Variants in GRB10 observed in about 807,000 individuals in gnomAD.
GRB10 encodes growth factor receptor bound protein 10, also known as growth factor receptor-bound protein 10.
Under a neutral mutation model 80.9 loss-of-function variants are expected in GRB10, and 20 were observed. The ratio of observed to expected loss-of-function variants is 0.25; its 90% CI spans 0.17 to 0.36. The LOEUF is 0.36. Among genes scored for constraint, GRB10 ranks in the 10% least tolerant of loss-of-function variants. The probability of loss-of-function intolerance (pLI) is 1.00; values close to 1 mark genes in which losing one functional copy is unlikely to be tolerated. For synonymous variants in GRB10, 291 were observed against 291.5 expected, an observed-to-expected ratio of 1.00 and a Z score of 0.02; for missense variants, 548 against 747.7, an observed-to-expected ratio of 0.73 and a Z score of 3.12.
chr7:50,734,096 A>G (rs1244373378), intron 3 of GRB10, among the ~76,000 whole-genome samples: 6 of 152,044 alleles, frequency 3.9e-5, no homozygotes, highest in Admixed American at 3.9e-4. Context: ...TTTCATACAC[A>G]TATCGGTTTG....
intron 3 of GRB10, among the ~76,000 whole-genome samples, chr7:50,738,570 T>A (rs1362426636): frequency 6.6e-6 from 1 of 152,206 alleles, no homozygotes; most frequent in Non-Finnish European, 1.5e-5. Context: ...CAGCTGGGAC[T>A]TATGGGACTA....
chr7:50,618,059 G>A lies in GRB10; in HGVS notation c.846+12C>T, dbSNP rs2050981606. On this transcript the variant is annotated intron_variant, in intron 10 of 18. Coordinates refer to ENST00000401949, the MANE Select transcript of GRB10 (RefSeq NM_001350814.2). ...AAGTCTATTTCAGCAGAGATCTATT[G>A]TGGCCCAGTACCTGCAAAAGCTGGG... is the stretch of plus-strand genomic sequence containing the variant. 1 of 1,602,384 alleles carries A rather than the reference G, an allele frequency of 6.2e-7. No individual in the cohort carries two copies. Among genetic ancestry groups the A allele is most frequent in the Non-Finnish European group, 8.6e-7 (1 of 1,169,278 alleles).
chr7:50,637,362 A>G (rs2055243765), intron 7 of GRB10, among the ~76,000 whole-genome samples: 1 of 152,204 alleles, frequency 6.6e-6, no homozygotes, highest in South Asian at 2.1e-4. Flanking sequence ...GCATATAAAA[A>G]TCATTAGCAT....
upstream of GRB10, among the ~76,000 whole-genome samples, chr7:50,784,623 G>C (rs1185932188): frequency 1.3e-5 from 2 of 152,234 alleles, no homozygotes; most frequent in Non-Finnish European, 2.9e-5. Context: ...AGAGAGAAAT[G>C]ATCTAATGAT....
intron 8 of GRB10, among the ~76,000 whole-genome samples, chr7:50,620,405 AG>A (rs1019044628): frequency 6.6e-6 from 1 of 152,210 alleles, no homozygotes; most frequent in Admixed American, 6.5e-5. Context: ...TCTGAGTCAA[AG>A]TGATCTCAGA....
At chr7:50,628,305 A>T (rs2053351916) in intron 7 of GRB10, among the ~76,000 whole-genome samples, 1 of 151,072 alleles carries the variant, frequency 6.6e-6, no homozygotes, top group Non-Finnish European at 1.5e-5. Flanking sequence ...GTCCTGACAA[A>T]CTCCCTCCGA....
chr7:50,682,230 CT>C (rs1170529180), intron 5 of GRB10, among the ~76,000 whole-genome samples: 1 of 152,250 alleles, frequency 6.6e-6, no homozygotes, highest in Admixed American at 6.5e-5. Context: ...TTAGGAGCCC[CT>C]GACCCCTTTG....
At chr7:50,753,941 T>C (rs2153702434) in intron 3 of GRB10, among the ~76,000 whole-genome samples, 1 of 152,244 alleles carries the variant, frequency 6.6e-6, no homozygotes, top group Non-Finnish European at 1.5e-5. Flanking sequence ...TTCAGATGTG[T>C]CCCTTCAACA....
intron 2 of GRB10, among the ~76,000 whole-genome samples, chr7:50,760,648 T>C (rs114183479): frequency 0.01 from 1,542 of 152,336 alleles, 24 homozygotes; most frequent in African/African-American, 0.034. Flanking sequence ...GTTAAAATAG[T>C]GTGTACTTGG....
chr7:50,631,827 G>A (rs1353215336), intron 7 of GRB10, among the ~76,000 whole-genome samples: 1 of 152,230 alleles, frequency 6.6e-6, no homozygotes, highest in East Asian at 1.9e-4. Flanking sequence ...TTGACAGGAG[G>A]TGGAGCTATT....
At chr7:50,725,334 T>C (rs760075707) in intron 4 of GRB10, among the ~76,000 whole-genome samples, 1 of 152,202 alleles carries the variant, frequency 6.6e-6, no homozygotes, top group Admixed American at 6.5e-5. Context: ...TCTGCCATGA[T>C]TTTAAGTTTC....
At chr7:50,783,411 C>A (rs1296868608), upstream of GRB10, among the ~76,000 whole-genome samples, 5 of 127,636 alleles carry the variant, frequency 3.9e-5, no homozygotes, top group African/African-American at 1.5e-4. Flanking sequence ...AGTCACTTCA[C>A]ACACACACAC....
intron 7 of GRB10, among the ~76,000 whole-genome samples, chr7:50,627,853 A>G (rs1163318858): frequency 6.6e-6 from 1 of 152,166 alleles, no homozygotes; most frequent in Non-Finnish European, 1.5e-5. Context: ...GTCTCTCCCC[A>G]CTGTCCCAGG....
chr7:50,736,234 C>T (rs533418296), intron 3 of GRB10, among the ~76,000 whole-genome samples: 24 of 152,108 alleles, frequency 1.6e-4, no homozygotes, highest in Admixed American at 2.6e-4. Context: ...TGCAGTGAGC[C>T]GAGATTGCGC....
chr7:50,783,095 C>T (rs956384868), upstream of GRB10, among the ~76,000 whole-genome samples: 2 of 152,240 alleles, frequency 1.3e-5, no homozygotes, highest in Admixed American at 6.5e-5. Flanking sequence ...CGAAAGCCCT[C>T]CATGTCTACC....
intron 17 of GRB10, among the ~76,000 whole-genome samples, chr7:50,596,842 T>TA (rs563103069): frequency 1.3e-5 from 2 of 152,336 alleles, no homozygotes; most frequent in South Asian, 4.1e-4. Context: ...AATTTTTTTT[T>TA]AATCCTAAAT....
chr7:50,680,581 C>T (rs752404296), intron 5 of GRB10, among the ~76,000 whole-genome samples: 3 of 152,176 alleles, frequency 2.0e-5, no homozygotes, highest in Non-Finnish European at 2.9e-5. Flanking sequence ...GTCTCCACTC[C>T]GACTCCCAGG....
intron 4 of GRB10, 67 bp from the exon 5 acceptor site, chr7:50,703,975 C>G (rs1461691895): frequency 9.9e-7 from 1 of 1,005,614 alleles, no homozygotes; most frequent in South Asian, 1.3e-5. Context: ...TTTTCAACAC[C>G]CAGCTTCCCC....
intron 2 of GRB10, among the ~76,000 whole-genome samples, chr7:50,777,560 T>C (rs926701663): frequency 3.3e-5 from 5 of 150,240 alleles, no homozygotes; most frequent in African/African-American, 1.2e-4. Context: ...CAATACAGCT[T>C]TTTTTTTTAA....
Sources: allele counts gnomAD v4.1 joint callset (sites outside exome capture counted in the v4.1 genomes callset), GRCh38; gene constraint gnomAD v4.1.1; transcripts MANE v1.5; gene names NCBI Gene and HGNC (gene_info 2026-07-23, HGNC 2026-07-21).